The following GRID1 variants were observed in gnomAD, a reference collection of about 807,000 sequenced individuals.
The protein encoded by GRID1 is glutamate ionotropic receptor delta type subunit 1.
A neutral mutation model predicts 98.0 loss-of-function variants in GRID1; 28 were observed. The observed-to-expected ratio is 0.29, with a 90% CI of 0.21 to 0.39. The LOEUF is 0.39. GRID1 is among the 10% of genes least tolerant of loss of function. GRID1 has a pLI of 1.00. For missense variants in GRID1, 1,111 were observed against 1,340.5 expected (o/e 0.83, Z 2.67); for synonymous variants, 553 against 538.5 (o/e 1.03, Z -0.37).
chr10:86,198,146 AG>A (rs1438442756), intron 3 of GRID1, among the ~76,000 whole-genome samples: 3 of 152,080 alleles, frequency 2.0e-5, no homozygotes, highest in African/African-American at 7.2e-5. Context: ...ATTTTACTTC[AG>A]GAAGACTCTG....
chr10:85,889,097 T>C (rs1278430791), intron 5 of GRID1, among the ~76,000 whole-genome samples: 1 of 152,238 alleles, frequency 6.6e-6, no homozygotes, highest in African/African-American at 2.4e-5. Context: ...GAATAACTGT[T>C]GGGACAAGTT....
At chr10:86,362,730 G>A (rs955971614) in intron 2 of GRID1, among the ~76,000 whole-genome samples, 9 of 152,212 alleles carry the variant, frequency 5.9e-5, no homozygotes, top group African/African-American at 1.9e-4. Context: ...CCCAGACCCA[G>A]GCCAGAGCCA....
intron 4 of GRID1, among the ~76,000 whole-genome samples, chr10:86,067,351 G>A (rs1843736317): frequency 6.6e-6 from 1 of 152,158 alleles, no homozygotes; most frequent in South Asian, 2.1e-4. Flanking sequence ...CACCACTTTT[G>A]AGTCACGAGG....
intron 2 of GRID1, among the ~76,000 whole-genome samples, chr10:86,353,300 CAGG>C (rs1004289679): frequency 2.0e-5 from 3 of 152,254 alleles, no homozygotes; most frequent in Non-Finnish European, 4.4e-5. Context: ...CACGTGAGTC[CAGG>C]AGGAGTCTGA....
At position 85,619,999 on chromosome 10, in the gene GRID1, A is replaced by T. The variant is rs1314011019; in HGVS notation, c.2228T>A (p.Val743Glu). ...KKGNYAFLWD[V>E]AVVEYAALTD... Reference sequence around the variant, plus strand: ...CAGGGCTGCGTATTCCACCACGGCCACATCCCACAGGAAGGCGTAGTTCCC... The same window carrying T: ...CAGGGCTGCGTATTCCACCACGGCCTCATCCCACAGGAAGGCGTAGTTCCC... Residue 743 changes from valine (V) to glutamate (E), a missense_variant, in exon 14 of 16, where the codon GTG becomes GAG. Transcript: ENST00000327946. 1 of 1,614,150 alleles carries T rather than the reference A, an allele frequency of 6.2e-7. No homozygotes were observed. Among genetic ancestry groups the T allele is most frequent in the East Asian group, 2.2e-5 (1 of 44,876 alleles).
chr10:86,091,138 C>A (rs1036924366), intron 4 of GRID1, among the ~76,000 whole-genome samples: 1 of 152,086 alleles, frequency 6.6e-6, no homozygotes, highest in African/African-American at 2.4e-5. Flanking sequence ...AGACTCCTGG[C>A]CAGAACTTGG....
chr10:85,750,807 A>G (rs1842039212), intron 8 of GRID1, among the ~76,000 whole-genome samples: 1 of 152,222 alleles, frequency 6.6e-6, no homozygotes, highest in Admixed American at 6.5e-5. Flanking sequence ...ATCATCAGAG[A>G]ACTAAACATA....
chr10:85,634,249 CCTCTCTCTCTCTCTCTCT>C (rs775506130), intron 13 of GRID1, among the ~76,000 whole-genome samples: 7 of 92,376 alleles, frequency 7.6e-5, no homozygotes, highest in African/African-American at 2.1e-4. Context: ...TGATGGGGCA[CCTCTCTCTCTCTCTCTCT>C]CTCTCTCTCT....
chr10:85,776,707 A>G (rs866422614), intron 8 of GRID1, among the ~76,000 whole-genome samples: 34 of 152,234 alleles, frequency 2.2e-4, no homozygotes, highest in African/African-American at 7.7e-4. Context: ...CCGGTGATCC[A>G]GGTGCCCAAC....
chr10:85,889,184 G>A (rs1194353785), intron 5 of GRID1, among the ~76,000 whole-genome samples: 1 of 152,228 alleles, frequency 6.6e-6, no homozygotes, highest in East Asian at 1.9e-4. Context: ...CAGAGGCTGA[G>A]TGGGAAGTTA....
At chr10:85,714,401 A>C (rs1300641510) in intron 12 of GRID1, among the ~76,000 whole-genome samples, 1 of 152,036 alleles carries the variant, frequency 6.6e-6, no homozygotes. Flanking sequence ...CCCGAACCTA[A>C]AAGTTTTTTT....
At chr10:85,835,436 TAGTG>T (rs749527291) in intron 8 of GRID1, among the ~76,000 whole-genome samples, 5 of 152,222 alleles carry the variant, frequency 3.3e-5, no homozygotes, top group Non-Finnish European at 7.3e-5. Context: ...GTTCTCATGG[TAGTG>T]AGTAAGTCTC....
intron 3 of GRID1, among the ~76,000 whole-genome samples, chr10:86,158,175 G>A (rs1845272338): frequency 6.6e-6 from 1 of 152,198 alleles, no homozygotes; most frequent in African/African-American, 2.4e-5. Flanking sequence ...CCTTGACAGA[G>A]GGGAAGGGCC....
intron 8 of GRID1, among the ~76,000 whole-genome samples, chr10:85,823,178 A>G (rs1286357077): frequency 6.6e-6 from 1 of 152,232 alleles, no homozygotes; most frequent in Non-Finnish European, 1.5e-5. Flanking sequence ...CCTAGAACTT[A>G]AAGTATAATA....
chr10:86,091,227 A>T (rs1303169794), intron 4 of GRID1, among the ~76,000 whole-genome samples: 3 of 152,194 alleles, frequency 2.0e-5, no homozygotes, highest in Non-Finnish European at 2.9e-5. Flanking sequence ...TGGGAGGCAG[A>T]TAGCCTTGGG....
At chr10:85,776,084 T>C (rs1372325868) in intron 8 of GRID1, among the ~76,000 whole-genome samples, 1 of 152,082 alleles carries the variant, frequency 6.6e-6, no homozygotes, top group African/African-American at 2.4e-5. Context: ...TTAGAAGCCA[T>C]GCACTGAAGA....
intron 8 of GRID1, among the ~76,000 whole-genome samples, chr10:85,801,875 T>C (rs1245266066): frequency 6.6e-6 from 1 of 151,878 alleles, no homozygotes; most frequent in Non-Finnish European, 1.5e-5. Context: ...TGTTTATATA[T>C]AAAACAAACA....
intron 1 of GRID1, among the ~76,000 whole-genome samples, chr10:86,364,569 C>T (rs1008508263): frequency 2.6e-5 from 4 of 152,254 alleles, no homozygotes; most frequent in East Asian, 1.9e-4. Context: ...CATGCACGTC[C>T]CCTGCTGAGT....
chr10:85,997,603 A>T (rs1023264788), intron 4 of GRID1, among the ~76,000 whole-genome samples: 1 of 152,178 alleles, frequency 6.6e-6, no homozygotes, highest in African/African-American at 2.4e-5. Context: ...ACAATACATA[A>T]AACCAAAAGG....
Sources: allele counts gnomAD v4.1 joint callset (sites outside exome capture counted in the v4.1 genomes callset), GRCh38; gene constraint gnomAD v4.1.1; transcripts MANE v1.5; gene names NCBI Gene and HGNC (gene_info 2026-07-23, HGNC 2026-07-21).